The following OSBPL10 variants were observed in gnomAD, a reference collection of about 807,000 sequenced individuals.
OSBPL10 encodes the protein oxysterol-binding protein-related protein 10.
Under a neutral mutation model 81.7 loss-of-function variants are expected in OSBPL10, and 49 were observed. The observed-to-expected ratio is 0.60, with a 90% CI of 0.48 to 0.76. The LOEUF (loss-of-function observed/expected upper bound fraction) is 0.76, where lower values mean the gene tolerates loss of function less well. OSBPL10 is among the 30% of genes least tolerant of loss of function. The pLI is 0.00. For synonymous variants in OSBPL10, 419 were observed against 383.6 expected, an observed-to-expected ratio of 1.09 and a Z score of -1.08; for missense variants, 923 against 987.8, an observed-to-expected ratio of 0.93 and a Z score of 0.88.
At chr3:31,925,845 C>T (rs879897647) in intron 1 of OSBPL10, among the ~76,000 whole-genome samples, 3 of 151,972 alleles carry the variant, frequency 2.0e-5, no homozygotes, top group Admixed American at 6.6e-5. Flanking sequence ...ATAATTATGC[C>T]GGGACAAGAA....
At chr3:31,877,353 G>A (rs796266688) in intron 2 of OSBPL10, among the ~76,000 whole-genome samples, 3 of 152,232 alleles carry the variant, frequency 2.0e-5, no homozygotes, top group African/African-American at 7.2e-5. Flanking sequence ...ACCAAATGCT[G>A]CCTTAGAGAG....
intron 10 of OSBPL10, among the ~76,000 whole-genome samples, chr3:31,666,167 G>A (rs1042184996): frequency 4.6e-5 from 7 of 152,220 alleles, no homozygotes; most frequent in African/African-American, 1.2e-4. Flanking sequence ...CGAGCAAGTG[G>A]CTGAGGCAGG....
intron 1 of OSBPL10, among the ~76,000 whole-genome samples, chr3:31,899,074 G>A (rs1188006495): frequency 1.9e-5 from 2 of 106,714 alleles, no homozygotes; most frequent in African/African-American, 3.6e-5. Context: ...CTATCAAGTA[G>A]CTGGGACTAT....
rs1700064691 is a variant in OSBPL10, at chr3:31,661,130, T to C, written c.*942A>G. 1 of 152,650 alleles carries C rather than the reference T, an allele frequency of 6.6e-6. No homozygotes were observed. The allele number at this position is 152,650 out of a possible 1,614,324, so 9.5% of individuals were successfully genotyped here. On this transcript the variant is annotated 3_prime_UTR_variant, in exon 12 of 12. Coordinates refer to ENST00000396556, the MANE Select transcript of OSBPL10 (RefSeq NM_017784.5). ...GTTATGTATGTTTTAGTCACAGTGC[T>C]TTCTTGCAGAGTTTGGGTTAACCAG...
chr3:32,048,443 G>A (rs757154107), intron 1 of OSBPL10, among the ~76,000 whole-genome samples: 3 of 151,846 alleles, frequency 2.0e-5, no homozygotes, highest in Non-Finnish European at 2.9e-5. Context: ...AAATAGCTGC[G>A]ATTACAGGCA....
At chr3:31,702,209 G>C in intron 7 of OSBPL10, 150 bp downstream of exon 7, 2 of 910,952 alleles carry the variant, frequency 2.2e-6, no homozygotes, top group East Asian at 2.6e-5. Flanking sequence ...ATTATACCTG[G>C]AATATCCATA....
chr3:32,011,308 G>A (rs113928299), intron 2 of OSBPL10, among the ~76,000 whole-genome samples: 3,745 of 152,282 alleles, frequency 0.025, 141 homozygotes, highest in East Asian at 0.1. Context: ...TTCAGCCTCC[G>A]CTGCTGATAC....
intron 3 of OSBPL10, among the ~76,000 whole-genome samples, chr3:31,843,662 T>C (rs977254841): frequency 6.6e-6 from 1 of 152,190 alleles, no homozygotes; most frequent in African/African-American, 2.4e-5. Flanking sequence ...TTATTCTCTC[T>C]ATAGGTTAAA....
chr3:31,922,897 A>G (rs1243361960), intron 1 of OSBPL10, among the ~76,000 whole-genome samples: 1 of 152,148 alleles, frequency 6.6e-6, no homozygotes, highest in African/African-American at 2.4e-5. Flanking sequence ...ATAACCTTCT[A>G]GAGCACAAAA....
intron 2 of OSBPL10, among the ~76,000 whole-genome samples, chr3:31,999,028 T>C (rs1347342327): frequency 6.6e-6 from 1 of 152,214 alleles, no homozygotes; most frequent in Non-Finnish European, 1.5e-5. Context: ...AGGGACATAA[T>C]TTACAAATTT....
chr3:31,991,096 A>C, intron 2 of OSBPL10: 6 of 1,002,394 alleles, frequency 6.0e-6, no homozygotes, highest in Non-Finnish European at 8.8e-6. Flanking sequence ...CATTGACTTG[A>C]GTTTCAGTTG....
chr3:31,816,589 C>A (rs1416817583), intron 4 of OSBPL10, among the ~76,000 whole-genome samples: 1 of 152,204 alleles, frequency 6.6e-6, no homozygotes, highest in African/African-American at 2.4e-5. Flanking sequence ...CTGGGCCAGG[C>A]ACAGTAGCTC....
At chr3:31,934,873 T>C (rs1267773623) in intron 1 of OSBPL10, among the ~76,000 whole-genome samples, 1 of 152,182 alleles carries the variant, frequency 6.6e-6, no homozygotes, top group Non-Finnish European at 1.5e-5. Context: ...CATAGAAACT[T>C]ACCCATAGTA....
intron 7 of OSBPL10, among the ~76,000 whole-genome samples, chr3:31,699,436 G>A (rs544786512): frequency 6.6e-6 from 1 of 152,286 alleles, no homozygotes; most frequent in African/African-American, 2.4e-5. Flanking sequence ...CACAATTTGT[G>A]GAAATACAGT....
At chr3:31,917,179 C>T (rs1696780888) in intron 1 of OSBPL10, among the ~76,000 whole-genome samples, 1 of 152,150 alleles carries the variant, frequency 6.6e-6, no homozygotes, top group African/African-American at 2.4e-5. Context: ...CACTAGGCCC[C>T]ACACAAGAAA....
intron 4 of OSBPL10, among the ~76,000 whole-genome samples, chr3:31,811,153 TGTGGATGGCAGTG>T (rs1699668506): frequency 6.7e-6 from 1 of 148,372 alleles, no homozygotes; most frequent in Non-Finnish European, 1.5e-5. Flanking sequence ...AGATGTAGCC[TGTGGATGGCAGTG>T]CAGGATCACT....
intron 3 of OSBPL10, among the ~76,000 whole-genome samples, chr3:31,850,768 T>C (rs1390263022): frequency 6.6e-6 from 1 of 152,214 alleles, no homozygotes. Context: ...TCTCCAAAAG[T>C]ATTGATTTAC....
chr3:31,969,340 A>G (rs1269809351), intron 1 of OSBPL10: 1 of 152,560 alleles, frequency 6.6e-6, no homozygotes, highest in African/African-American at 2.4e-5. Flanking sequence ...AGTCATTCCT[A>G]AGGACCAGCC....
chr3:31,678,168 T>C (rs1700534493), intron 8 of OSBPL10, among the ~76,000 whole-genome samples: 1 of 149,546 alleles, frequency 6.7e-6, no homozygotes, highest in Non-Finnish European at 1.5e-5. Flanking sequence ...CTCATCACTC[T>C]CTCAAGTTCA....
Sources: gnomAD v4.1 joint callset for allele counts (sites outside exome capture counted in the v4.1 genomes callset) on GRCh38, gnomAD v4.1.1 for gene constraint, MANE v1.5 for transcripts, NCBI Gene and HGNC (gene_info 2026-07-23, HGNC 2026-07-21) for gene names.